Variants in DPP6 observed in about 807,000 individuals in gnomAD.
The protein encoded by DPP6 is A-type potassium channel modulatory protein DPP6.
DPP6 carries 69 observed loss-of-function variants against 122.6 expected under a neutral mutation model. The observed-to-expected ratio is 0.56, with a 90% confidence interval of 0.46 to 0.69. DPP6 has a LOEUF of 0.69. Ranked by LOEUF, DPP6 falls within the 30% of genes least tolerant of loss-of-function variation. DPP6 has a pLI of 0.00. For synonymous variants in DPP6, 418 were observed against 433.1 expected, an observed-to-expected ratio of 0.97 and a Z score of 0.43; for missense variants, 928 against 1,116.9, an observed-to-expected ratio of 0.83 and a Z score of 2.41.
At chr7:153,768,552 G>A in the DPP6 span, among the ~76,000 whole-genome samples, 1 of 152,090 alleles carries the variant, frequency 6.6e-6, no homozygotes, top group Non-Finnish European at 1.5e-5. Context: ...CTGGATGTGG[G>A]GCTTCAAGTG....
chr7:154,454,325 G>A (rs759953869), intron 2 of DPP6, among the ~76,000 whole-genome samples: 2 of 152,162 alleles, frequency 1.3e-5, no homozygotes, highest in Non-Finnish European at 2.9e-5. Context: ...GGCTGCTGCC[G>A]ATGCTACCAC....
At position 154,038,212 on chromosome 7, in the gene DPP6, G is replaced by A. The variant is rs1474238395; in HGVS notation, c.51+150478G>A. On this transcript the variant is annotated intron_variant, in intron 1 of 25. Transcript: ENST00000404039. ...GCCCATCTCGAGTGTTCCAGGCACCGTGACAAACACTGGTTATGAACAGCA... is the reference window on the plus strand; with the variant it reads ...GCCCATCTCGAGTGTTCCAGGCACCATGACAAACACTGGTTATGAACAGCA... Among the ~76,000 whole-genome samples the A allele has an allele frequency of 6.1e-5, 9 of 147,182 alleles. 1 individual carries two copies. The highest frequency in any genetic ancestry group is 5.9e-4 in the East Asian group (3 of 5,076).
intron 1 of DPP6, among the ~76,000 whole-genome samples, chr7:154,221,812 T>C (rs1407466856): frequency 1.3e-5 from 2 of 152,180 alleles, no homozygotes; most frequent in Non-Finnish European, 2.9e-5. Context: ...ATGAACAATG[T>C]TGGAAGTGGG....
Position 154,265,100 on chromosome 7 carries a change from ATGATAATGATAGTGATAG to A in DPP6, c.244-181109_244-181092del, listed in dbSNP as rs1190185966. Among the ~76,000 whole-genome samples, 355 of 109,320 alleles carry A rather than the reference ATGATAATGATAGTGATAG, an allele frequency of 3.2e-3. 6 individuals are homozygous for A. The highest frequency in any genetic ancestry group is 0.016 in the African/African-American group (326 of 20,740). The allele number at this position is 109,320 out of a possible 152,430, so 71.7% of individuals were successfully genotyped here. ...GATGATGATGGTGATGATGATGGTG[ATGATAATGATAGTGATAG>A]TGATGATGGTGTTAATGGTGATGGT... On this transcript the variant is annotated intron_variant, in intron 1 of 25. Transcript: ENST00000377770.
intron 7 of DPP6, among the ~76,000 whole-genome samples, chr7:154,678,331 G>A (rs1486139378): frequency 5.3e-5 from 8 of 152,196 alleles, no homozygotes; most frequent in South Asian, 2.1e-4. Context: ...CTCTGGGTTC[G>A]CACTACGTGT....
chr7:154,789,872 C>T (rs192118954), intron 10 of DPP6, among the ~76,000 whole-genome samples: 8 of 152,292 alleles, frequency 5.3e-5, no homozygotes, highest in South Asian at 2.1e-4. Context: ...GCTTCACCCT[C>T]GTACACCGAC....
At chr7:154,801,279 G>A in intron 12 of DPP6, 76 bp from the exon 13 acceptor site, 1 of 1,527,876 alleles carries the variant, frequency 6.5e-7, no homozygotes, top group Non-Finnish European at 8.9e-7. Context: ...ATCTCGGGGT[G>A]TATTTTATCC....
At chr7:154,576,045 G>A (rs1423103533) in intron 5 of DPP6, among the ~76,000 whole-genome samples, 4 of 151,982 alleles carry the variant, frequency 2.6e-5, no homozygotes, top group Non-Finnish European at 5.9e-5. Flanking sequence ...AGGCCGGCCC[G>A]CAGTGGAGGG....
intron 11 of DPP6, among the ~76,000 whole-genome samples, chr7:154,794,408 C>G (rs940720993): frequency 6.6e-6 from 1 of 152,210 alleles, no homozygotes; most frequent in South Asian, 2.1e-4. Context: ...CAGACCCGAC[C>G]GAACCCATCC....
chr7:154,339,426 G>C (rs1809726082), intron 1 of DPP6, among the ~76,000 whole-genome samples: 1 of 152,212 alleles, frequency 6.6e-6, no homozygotes, highest in Admixed American at 6.5e-5. Flanking sequence ...GGTCCTCTCA[G>C]CGGAGCTGGT....
the DPP6 span, among the ~76,000 whole-genome samples, chr7:153,776,708 C>T: frequency 1.3e-5 from 2 of 152,082 alleles, no homozygotes; most frequent in East Asian, 3.9e-4. Flanking sequence ...GTCTTTCCAA[C>T]AAATGGTGCT....
the DPP6 span, among the ~76,000 whole-genome samples, chr7:153,868,745 G>A: frequency 6.6e-6 from 1 of 152,044 alleles, no homozygotes. Context: ...TGTGATGTTA[G>A]GGTGTCAATT....
intron 1 of DPP6, among the ~76,000 whole-genome samples, chr7:154,239,279 C>G (rs763779535): frequency 6.6e-6 from 1 of 152,146 alleles, no homozygotes; most frequent in Non-Finnish European, 1.5e-5. Flanking sequence ...TTTCTAGTGT[C>G]GTAGCTCTTA....
intron 1 of DPP6, among the ~76,000 whole-genome samples, chr7:153,990,203 ATC>A (rs1156682830): frequency 1.8e-4 from 10 of 54,858 alleles, no homozygotes; most frequent in African/African-American, 5.2e-4. Context: ...GCCAGAGTGA[ATC>A]TCTTAGTAAG....
intron 1 of DPP6, among the ~76,000 whole-genome samples, chr7:153,918,987 A>G (rs1439408156): frequency 6.6e-6 from 1 of 151,434 alleles, no homozygotes; most frequent in Non-Finnish European, 1.5e-5. Flanking sequence ...TCAAAAAAAA[A>G]AAAAAAAAAA....
chr7:154,477,045 C>T (rs779729227), intron 3 of DPP6, among the ~76,000 whole-genome samples: 13 of 151,948 alleles, frequency 8.6e-5, no homozygotes, highest in Non-Finnish European at 1.9e-4. Flanking sequence ...TGCCATTGCA[C>T]TCCAACCTGG....
intron 1 of DPP6, among the ~76,000 whole-genome samples, chr7:154,105,336 A>T (rs1806080964): frequency 6.6e-6 from 1 of 152,168 alleles, no homozygotes; most frequent in Admixed American, 6.5e-5. Context: ...CTGATAACAG[A>T]ACCAATCACA....
intron 1 of DPP6, among the ~76,000 whole-genome samples, chr7:154,276,884 A>G (rs979802272): frequency 6.6e-6 from 1 of 152,176 alleles, no homozygotes; most frequent in Non-Finnish European, 1.5e-5. Flanking sequence ...TTCATGGCCA[A>G]CGGTACTATA....
intron 1 of DPP6, among the ~76,000 whole-genome samples, chr7:154,441,055 T>C (rs1445175019): frequency 1.3e-5 from 2 of 152,238 alleles, no homozygotes; most frequent in Non-Finnish European, 2.9e-5. Context: ...TCATGGGATG[T>C]GTACCCGGAA....
Sources: allele counts gnomAD v4.1 joint callset (sites outside exome capture counted in the v4.1 genomes callset), GRCh38; gene constraint gnomAD v4.1.1; transcripts MANE v1.5; gene names NCBI Gene and HGNC (gene_info 2026-07-23, HGNC 2026-07-21).